The following GMDS variants were observed in gnomAD, a reference collection of about 807,000 sequenced individuals.
GMDS encodes GDP-mannose 4,6 dehydratase.
A neutral mutation model predicts 49.9 loss-of-function variants in GMDS; 20 were observed. The ratio of observed to expected loss-of-function variants is 0.40; its 90% CI spans 0.28 to 0.58. The LOEUF (loss-of-function observed/expected upper bound fraction) is 0.58, where lower values mean the gene tolerates loss of function less well. GMDS is among the 20% of genes least tolerant of loss of function. The pLI is 0.42. For missense variants in GMDS, 362 were observed against 481.4 expected (o/e 0.75, Z 2.32); for synonymous variants, 177 against 178.6 (o/e 0.99, Z 0.07).
rs929783144 is a variant in GMDS, at chr6:2,133,427, A to C, written c.103-8696T>G. Among the ~76,000 whole-genome samples, 114 of 152,332 alleles carry C rather than the reference A, an allele frequency of 7.5e-4. 1 individual carries two copies. Among genetic ancestry groups the C allele is most frequent in the African/African-American group, 2.6e-3 (108 of 41,574 alleles). On this transcript the variant is annotated intron_variant, in intron 1 of 10. Coordinates refer to ENST00000380815, the MANE Select transcript of GMDS (RefSeq NM_001500.4). ...TCTTTCCCTATTTCACTGTACATTAATTTAACAGTCTGCTACTGAAATACT... is the reference window on the plus strand; with the variant it reads ...TCTTTCCCTATTTCACTGTACATTACTTTAACAGTCTGCTACTGAAATACT...
chr6:1,624,289 C>T, intron 10 of GMDS, 58 bp from the exon 11 acceptor site: 2 of 1,523,008 alleles, frequency 1.3e-6, no homozygotes, highest in Non-Finnish European at 1.8e-6. Flanking sequence ...CTGGTGACAC[C>T]CCACCCCGGG....
intron 1 of GMDS, among the ~76,000 whole-genome samples, chr6:2,183,473 A>G (rs963717887): frequency 6.6e-5 from 10 of 152,238 alleles, no homozygotes; most frequent in Non-Finnish European, 1.0e-4. Context: ...ATGGCTGAGG[A>G]GTTGCTTCTT....
intron 7 of GMDS, among the ~76,000 whole-genome samples, chr6:1,884,366 G>A (rs1161549891): frequency 6.6e-6 from 1 of 152,200 alleles, no homozygotes; most frequent in Non-Finnish European, 1.5e-5. Flanking sequence ...TCTAAGGGGA[G>A]GAAATGATGT....
chr6:1,857,199 G>A (rs1392638660), intron 7 of GMDS, among the ~76,000 whole-genome samples: 3 of 152,194 alleles, frequency 2.0e-5, no homozygotes, highest in Non-Finnish European at 4.4e-5. Flanking sequence ...TGGTACAGAG[G>A]AAAACATTCA....
At chr6:1,931,076 A>T (rs1181425416) in intron 6 of GMDS, 1 of 152,238 alleles carries the variant, frequency 6.6e-6, no homozygotes, top group East Asian at 1.9e-4. Context: ...AGACAGTTTT[A>T]CCTTGTTATC....
intron 6 of GMDS, among the ~76,000 whole-genome samples, chr6:1,948,755 G>A (rs147669285): frequency 1.3e-5 from 2 of 152,120 alleles, no homozygotes; most frequent in African/African-American, 4.8e-5. Flanking sequence ...ATTCATCATC[G>A]TCTTTTCTTG....
intron 4 of GMDS, among the ~76,000 whole-genome samples, chr6:2,097,326 G>A (rs1213318565): frequency 2.0e-5 from 3 of 152,060 alleles, no homozygotes; most frequent in African/African-American, 7.2e-5. Context: ...AAAGCCCCTC[G>A]GCGACTGAGC....
chr6:1,952,505 AGAT>A (rs1002370112), intron 6 of GMDS, among the ~76,000 whole-genome samples: 3 of 152,082 alleles, frequency 2.0e-5, no homozygotes, highest in African/African-American at 7.2e-5. Context: ...CTCAGCTGGG[AGAT>A]GATTAAAAAA....
chr6:1,812,574 CAG>C (rs1770482500), intron 7 of GMDS, among the ~76,000 whole-genome samples: 1 of 151,884 alleles, frequency 6.6e-6, no homozygotes, highest in African/African-American at 2.4e-5. Flanking sequence ...AAAGGGGACA[CAG>C]AGGAGAAGCC....
chr6:1,806,847 A>G (rs988183120), intron 7 of GMDS, among the ~76,000 whole-genome samples: 1 of 152,208 alleles, frequency 6.6e-6, no homozygotes, highest in African/African-American at 2.4e-5. Context: ...GCCACTGCTC[A>G]GTCTGTATAT....
intron 7 of GMDS, among the ~76,000 whole-genome samples, chr6:1,852,992 G>A (rs969883941): frequency 1.3e-5 from 2 of 151,842 alleles, no homozygotes; most frequent in Admixed American, 6.6e-5. Context: ...TTGAGCCACC[G>A]CGCCTGCCTG....
At chr6:2,132,665 G>A (rs1179093740) in intron 1 of GMDS, among the ~76,000 whole-genome samples, 1 of 152,174 alleles carries the variant, frequency 6.6e-6, no homozygotes. Flanking sequence ...CTTCTATACT[G>A]GATGGCACAG....
chr6:1,642,649 C>T (rs1028496829), intron 9 of GMDS, among the ~76,000 whole-genome samples: 12 of 152,212 alleles, frequency 7.9e-5, no homozygotes, highest in African/African-American at 2.7e-4. Flanking sequence ...TGGTGACCAT[C>T]GTCCTGAGTC....
chr6:1,951,354 CT>C (rs1276317332), intron 6 of GMDS, among the ~76,000 whole-genome samples: 1 of 152,124 alleles, frequency 6.6e-6, no homozygotes, highest in African/African-American at 2.4e-5. Flanking sequence ...ATGCCAGATT[CT>C]TTCAGTCAGG....
rs115756453 is a variant in GMDS at position 2,005,193 on chromosome 6, G to A, written c.346-44227C>T. Among the ~76,000 whole-genome samples the A allele has an allele frequency of 4.8e-3, 732 of 152,218 alleles. 4 individuals are homozygous for A. The highest frequency in any genetic ancestry group is 0.016 in the African/African-American group (680 of 41,536). ...TTTAATAAGGCTTGTGTCTGGAATA[G>A]CTCAAGTCCTTACTCAATGGGGCCT... On this transcript the variant is annotated intron_variant, in intron 4 of 10. Coordinates refer to ENST00000380815, the MANE Select transcript of GMDS (RefSeq NM_001500.4).
intron 7 of GMDS, among the ~76,000 whole-genome samples, chr6:1,774,933 C>G (rs1164995696): frequency 6.6e-6 from 1 of 152,174 alleles, no homozygotes; most frequent in East Asian, 1.9e-4. Flanking sequence ...AATGTCCATT[C>G]CAGGGGGAGT....
chr6:1,741,221 A>T (rs1276616656), intron 8 of GMDS, among the ~76,000 whole-genome samples: 1 of 152,214 alleles, frequency 6.6e-6, no homozygotes, highest in Non-Finnish European at 1.5e-5. Flanking sequence ...CTATTTTGAC[A>T]TATACAATAG....
chr6:1,728,366 T>C (rs1344585179), intron 8 of GMDS, among the ~76,000 whole-genome samples: 1 of 152,212 alleles, frequency 6.6e-6, no homozygotes. Flanking sequence ...TTGCTCACAT[T>C]TCGTTCTTCG....
At chr6:1,903,462 G>A (rs929218511) in intron 7 of GMDS, among the ~76,000 whole-genome samples, 3 of 152,178 alleles carry the variant, frequency 2.0e-5, no homozygotes, top group African/African-American at 4.8e-5. Context: ...AGCTATTCTC[G>A]TCTAATTCAA....
Sources: gnomAD v4.1 joint callset for allele counts (sites outside exome capture counted in the v4.1 genomes callset) on GRCh38, gnomAD v4.1.1 for gene constraint, MANE v1.5 for transcripts, NCBI Gene and HGNC (gene_info 2026-07-23, HGNC 2026-07-21) for gene names.